The following RNF40 variants were observed in gnomAD, a reference collection of about 807,000 sequenced individuals.
RNF40 encodes the protein E3 ubiquitin-protein ligase BRE1B.
In RNF40, 39 loss-of-function variants were observed where a neutral mutation model predicts 123.3. That is an observed-to-expected ratio of 0.32 (90% confidence interval 0.24 to 0.41). The LOEUF is 0.41. Ranked by LOEUF, RNF40 falls within the 10% of genes least tolerant of loss-of-function variation. RNF40 has a pLI of 1.00. For synonymous variants in RNF40, 538 were observed against 526.0 expected (o/e 1.02, Z -0.31); for missense variants, 1,003 against 1,319.9 (o/e 0.76, Z 3.72).
At position 30,763,625 on chromosome 16, in the gene RNF40, T is replaced by A. The variant is rs1036580490; in HGVS notation, c.442+66T>A. ...GGAGAAGTCCTGGGGAGGAGGGGAC[T>A]TTGGTGTTGGGCCCCTGAATTGCCT... On this transcript the variant is annotated intron_variant, in intron 4 of 19. Transcript: ENST00000324685. 2.1e-5 allele frequency: 33 copies of A among 1,554,666 alleles called. No individual in the cohort carries two copies. In the Middle Eastern group the frequency reaches 8.7e-4, roughly 41 times the overall value.
chr16:30,771,765 G>C (rs1446818638), intron 17 of RNF40, 68 bp from the exon 18 acceptor site: 1 of 1,490,250 alleles, frequency 6.7e-7, no homozygotes, highest in Non-Finnish European at 9.0e-7. Context: ...GCATTGGTGG[G>C]CCGTGACTCC....
In RNF40 at chr16:30,769,243, C is replaced by G. The variant is rs1259398024; in HGVS notation, c.2305C>G (p.Gln769Glu). Reference sequence around the variant, plus strand: ...GACAGGTCAGGCTTTTGAGGACATGCAGGAACAGAACGGGCGGCTGCTACA... The same window carrying G: ...GACAGGTCAGGCTTTTGAGGACATGGAGGAACAGAACGGGCGGCTGCTACA... ...DVTGQAFEDMQEQNGRLLQQL... is the reference protein window; with the variant it reads ...DVTGQAFEDMEEQNGRLLQQL... Residue 769 changes from glutamine (Q) to glutamate (E), a missense_variant, in exon 16 of 20, where the codon CAG becomes GAG. Physicochemically the swap from Gln to Glu is conservative, Grantham distance 29. Around this residue, in one of 11 missense-constraint regions of RNF40, gnomAD observed 25 missense variants for 72.6 expected, o/e 0.34. Coordinates refer to ENST00000324685, the MANE Select transcript of RNF40 (RefSeq NM_014771.4). 6.2e-7 allele frequency: 1 copy of G among 1,614,234 alleles called. No individual in the cohort carries two copies. The highest frequency in any genetic ancestry group is 1.7e-5 in the Admixed American group (1 of 60,028).
Position 30,764,980 on chromosome 16 carries a change from G to A in RNF40, c.692G>A (p.Arg231Gln), listed in dbSNP as rs186930335. ...AGTGAGGCGGCTCAGGCACACACCC[G>A]AGAGCTGGGCCGTGAGAACCGGCGA... is the stretch of plus-strand genomic sequence containing the variant. ...PLSEAAQAHT[R>Q]ELGRENRRLQ... The change falls in exon 6 of 20, where the codon CGA becomes CAA. Residue 231 changes from arginine to glutamine, a missense_variant. By Grantham distance (43) the Arg-to-Gln change is conservative. Transcript: ENST00000324685. 27 of 1,613,238 alleles carry A rather than the reference G, an allele frequency of 1.7e-5. No individual in the cohort carries two copies. Among genetic ancestry groups the A allele is most frequent in the African/African-American group, 2.7e-5 (2 of 75,004 alleles).
At chr16:30,762,908 A>T (rs2053905257) in intron 2 of RNF40, among the ~76,000 whole-genome samples, 1 of 152,254 alleles carries the variant, frequency 6.6e-6, no homozygotes, top group African/African-American at 2.4e-5. Flanking sequence ...AAGGATTTAC[A>T]AGGGGACAGG....
intron 18 of RNF40, 23 bp downstream of exon 18, chr16:30,771,996 AGGC>A: frequency 6.3e-7 from 1 of 1,585,516 alleles, no homozygotes. Flanking sequence ...GTGAGGGGCC[AGGC>A]CAGGGTGGTC....
At chr16:30,765,811 G>A (rs1217082256) in intron 8 of RNF40, among the ~76,000 whole-genome samples, 1 of 152,238 alleles carries the variant, frequency 6.6e-6, no homozygotes, top group Non-Finnish European at 1.5e-5. Flanking sequence ...ATATCAGTGT[G>A]TTATGAGTAC....
At position 30,773,853 on chromosome 16, in the gene RNF40, G is replaced by C. The variant is rs758961985; in HGVS notation, c.2830-85G>C. ...TGAGGTGCAGTCTCCAGTGTGGTGG[G>C]CTTGGCCTGGACTCCTCCTGCTGTC... On this transcript the variant is annotated intron_variant, in intron 19 of 19. Coordinates refer to ENST00000324685, the MANE Select transcript of RNF40 (RefSeq NM_014771.4). 2.9e-6 allele frequency: 4 copies of C among 1,387,176 alleles called. No homozygotes were observed. In the African/African-American group the frequency reaches 5.7e-5, roughly 20 times the overall value. 85.9% of individuals were successfully genotyped at this position (1,387,176 alleles called of 1,614,324 possible). A position where few individuals can be genotyped will look rare whatever the true frequency, so the allele number is the denominator to read the frequency against.
In RNF40 at chr16:30,765,626, T is replaced by C. The variant is rs1310541816; in HGVS notation, c.993+127T>C. On this transcript the variant is annotated intron_variant, in intron 8 of 19. Coordinates refer to ENST00000324685, the MANE Select transcript of RNF40 (RefSeq NM_014771.4). Reference sequence around the variant, plus strand: ...TCCTGGTCACTCCTGCTGCTCTTTTTTTCATGCATTCATATACTTGTTGAG... The same window carrying C: ...TCCTGGTCACTCCTGCTGCTCTTTTCTTCATGCATTCATATACTTGTTGAG... The C allele has an allele frequency of 6.3e-6, 5 of 795,854 alleles. No homozygotes were observed. In the African/African-American group the frequency reaches 6.9e-5, roughly 11 times the overall value. The allele number at this position is 795,854 out of a possible 1,614,324, so 49.3% of individuals were successfully genotyped here.
chr16:30,766,242 C>T lies in RNF40; in HGVS notation c.1073C>T (p.Ala358Val). ...ATGGCAGAGCTGGAGAAACTGCAGG[C>T]CGAACTTCAGGGGGCTGTGCGGACC... The part of the protein sequence containing the change: ...SRMAELEKLQ[A>V]ELQGAVRTNE... The change falls in exon 9 of 20, where the codon GCC becomes GTC. Residue 358 changes from alanine (A) to valine (V), a missense_variant. This residue lies in a region of RNF40 where 274 missense variants were observed against 356.9 expected (regional missense o/e 0.77). Transcript: ENST00000324685. The surrounding 1 kb of genome is among the most constrained non-coding windows in gnomAD (Gnocchi z 5.4). 1 of 1,614,156 alleles carries T rather than the reference C, an allele frequency of 6.2e-7. No individual in the cohort carries two copies. The highest frequency in any genetic ancestry group is 8.5e-7 in the Non-Finnish European group (1 of 1,180,036).
chr16:30,767,431 T>A (rs550761154), intron 11 of RNF40, among the ~76,000 whole-genome samples: 1 of 152,026 alleles, frequency 6.6e-6, no homozygotes, highest in Non-Finnish European at 1.5e-5. Flanking sequence ...TATTTAAGAA[T>A]CTAGAAGAAG....
Position 30,768,874 on chromosome 16 carries a change from G to A in RNF40, c.2134G>A (p.Glu712Lys), listed in dbSNP as rs2054093706. Residue 712 changes from glutamate to lysine, a missense_variant, in exon 15 of 20, where the codon GAG becomes AAG. By Grantham distance (56) the Glu-to-Lys change is moderately conservative. Around this residue, in one of 11 missense-constraint regions of RNF40, gnomAD observed 295 missense variants for 331.7 expected, o/e 0.89. Transcript: ENST00000324685. The surrounding 1 kb of genome is among the most constrained non-coding windows in gnomAD (Gnocchi z 4.1). ...GCGGAGCCGCATCCGGGAATTGGAG[G>A]AGAGGGATCGAAGGGAGAGCAAGAA... ...ELRSRIRELE[E>K]RDRRESKKIA... is the part of the protein sequence containing the mutation. The A allele has an allele frequency of 6.2e-7, 1 of 1,614,250 alleles. No individual in the cohort carries two copies. Among genetic ancestry groups the A allele is most frequent in the South Asian group, 1.1e-5 (1 of 91,092 alleles).
chr16:30,764,214 G>T lies in RNF40; in HGVS notation c.478G>T (p.Glu160Ter). Residue 160 changes from glutamate to a stop codon, truncating the protein, a stop_gained, in exon 5 of 20, where the codon GAG becomes TAG. Coordinates refer to ENST00000324685, the MANE Select transcript of RNF40 (RefSeq NM_014771.4). LOFTEE classifies it high-confidence loss of function. ...LLMQLRPPLS[E>*]PALAFVVALG... ...GATGCAGCTGCGGCCCCCTCTCAGT[G>T]AGCCGGCCTTGGCTTTTGTGGTGGC... The T allele has an allele frequency of 6.2e-7, 1 of 1,611,522 alleles. No individual in the cohort carries two copies. The highest frequency in any genetic ancestry group is 1.1e-5 in the South Asian group (1 of 90,484).
In RNF40 at chr16:30,775,885, A is replaced by AC. The variant is rs1267091932; in HGVS notation, c.*1771_*1772insC. The AC allele has an allele frequency of 1.3e-5, 2 of 152,174 alleles. No homozygotes were observed. The highest frequency in any genetic ancestry group is 4.8e-5 in the African/African-American group (2 of 41,418). The allele number at this position is 152,174 out of a possible 1,614,324, so 9.4% of individuals were successfully genotyped here. On this transcript the variant is annotated 3_prime_UTR_variant, in exon 20 of 20. Coordinates refer to ENST00000324685, the MANE Select transcript of RNF40 (RefSeq NM_014771.4). ...CCGCTGCTGGACCAGGACGAACTGGAGAAGGAGACGCGGGCCGCCACGGTG... is the reference window on the plus strand; with the variant it reads ...CCGCTGCTGGACCAGGACGAACTGGACGAAGGAGACGCGGGCCGCCACGGTG...
chr16:30,769,735 A>G (rs1233790859), intron 17 of RNF40, 135 bp downstream of exon 17: 2 of 979,042 alleles, frequency 2.0e-6, no homozygotes, highest in Non-Finnish European at 2.9e-6. Context: ...CATATTGAAC[A>G]TTTACATGTG....
At position 30,770,943 on chromosome 16, in the gene RNF40, A is replaced by G. The variant is rs566271791; in HGVS notation, c.2587-890A>G. On this transcript the variant is annotated intron_variant, in intron 17 of 19. Coordinates refer to ENST00000324685, the MANE Select transcript of RNF40 (RefSeq NM_014771.4). ...GCCAGGCTGGTCTCAAACTCCTGACATCGTGATTTGCCCGCCTTGGCCTCC... is the reference window on the plus strand; with the variant it reads ...GCCAGGCTGGTCTCAAACTCCTGACGTCGTGATTTGCCCGCCTTGGCCTCC... Among the ~76,000 whole-genome samples the G allele has an allele frequency of 9.2e-5, 14 of 152,142 alleles. No homozygotes were observed. The East Asian group carries it at 2.5e-3, about 27-fold the overall frequency.
Position 30,768,268 on chromosome 16 carries a change from A to C in RNF40, c.1717A>C (p.Thr573Pro). The C allele has an allele frequency of 6.2e-7, 1 of 1,613,966 alleles. No homozygotes were observed. Among genetic ancestry groups the C allele is most frequent in the Non-Finnish European group, 8.5e-7 (1 of 1,180,026 alleles). ...GGCTCCAGTGCCTGGCACCACCACTACTACCACTTCAGTGAAGAAGGAGGA... is the reference window on the plus strand; with the variant it reads ...GGCTCCAGTGCCTGGCACCACCACTCCTACCACTTCAGTGAAGAAGGAGGA... ...EMAPVPGTTT[T>P]TTSVKKEELV... The change falls in exon 13 of 20, where the codon ACT becomes CCT. Residue 573 changes from threonine (T) to proline (P), a missense_variant. Around this residue, in one of 11 missense-constraint regions of RNF40, gnomAD observed 295 missense variants for 331.7 expected, o/e 0.89. Transcript: ENST00000324685. The surrounding 1 kb of genome is among the most constrained non-coding windows in gnomAD (Gnocchi z 4.1).
chr16:30,761,867 A>C, upstream of RNF40: 2 of 996,628 alleles, frequency 2.0e-6, no homozygotes, highest in Non-Finnish European at 2.8e-6. Context: ...CGGCCAATCT[A>C]CGCGCGGAGA....
intron 7 of RNF40, 26 bp from the exon 8 acceptor site, chr16:30,765,399 A>AT (rs765175610): frequency 1.1e-5 from 17 of 1,613,958 alleles, no homozygotes; most frequent in Non-Finnish European, 1.4e-5. Flanking sequence ...CTCTACATCC[A>AT]TTGCCTGTCT....
chr16:30,774,023 T>G lies in RNF40; in HGVS notation c.2915T>G (p.Val972Gly). 6.2e-7 allele frequency: 1 copy of G among 1,614,102 alleles called. No homozygotes were observed. Among genetic ancestry groups the G allele is most frequent in the Non-Finnish European group, 8.5e-7 (1 of 1,179,932 alleles). The change falls in exon 20 of 20, where the codon GTG becomes GGG. Residue 972 changes from valine to glycine, a missense_variant. By Grantham distance (109) the Val-to-Gly change is moderately radical (BLOSUM62 -3). Transcript: ENST00000324685. ...KCFHVFCFEC[V>G]RGRYEARQRK... Reference sequence around the variant, plus strand: ...TTCCACGTTTTCTGCTTCGAGTGCGTGCGGGGCCGCTATGAGGCCCGCCAG... The same window carrying G: ...TTCCACGTTTTCTGCTTCGAGTGCGGGCGGGGCCGCTATGAGGCCCGCCAG...
Sources: gnomAD v4.1 joint callset for allele counts (sites outside exome capture counted in the v4.1 genomes callset) on GRCh38, gnomAD v4.1.1 for gene constraint, gnomAD v4.1.1 regional missense constraint, Gnocchi (gnomAD v3.1) non-coding constraint, MANE v1.5 for transcripts, NCBI Gene and HGNC (gene_info 2026-07-23, HGNC 2026-07-21) for gene names.